MFSD1: variants seen among roughly 807,000 people sequenced by gnomAD.
MFSD1 encodes the protein lysosomal dipeptide transporter MFSD1.
A neutral mutation model predicts 67.1 loss-of-function variants in MFSD1; 59 were observed. That is an observed-to-expected ratio of 0.88 (90% CI 0.71 to 1.09). The LOEUF is 1.09. Ranked by LOEUF, MFSD1 falls within the 50% of genes least tolerant of loss-of-function variation. The pLI, the probability that MFSD1 is intolerant of heterozygous loss-of-function variation, is 0.00. For synonymous variants in MFSD1, 213 were observed against 200.3 expected, an observed-to-expected ratio of 1.06 and a Z score of -0.54; for missense variants, 552 against 566.1, an observed-to-expected ratio of 0.97 and a Z score of 0.25.
intron 6 of MFSD1, among the ~76,000 whole-genome samples, chr3:158,810,149 A>G (rs1729925363): frequency 6.6e-6 from 1 of 152,170 alleles, no homozygotes; most frequent in Admixed American, 6.5e-5. Flanking sequence ...CTCAGCCTAT[A>G]GAATAGTGAG....
chr3:158,804,454 C>A, intron 2 of MFSD1, 83 bp downstream of exon 2: 2 of 1,089,300 alleles, frequency 1.8e-6, no homozygotes. Flanking sequence ...CTCAGGTGCC[C>A]TAGTCTCACG....
chr3:158,824,465 T>A (rs1026122132), intron 13 of MFSD1: 17 of 382,698 alleles, frequency 4.4e-5, no homozygotes, highest in East Asian at 1.4e-4. Flanking sequence ...ATTTACAGTT[T>A]AAAAAAAAAA....
chr3:158,819,533 G>A, intron 7 of MFSD1, 116 bp from the exon 8 acceptor site: 1 of 496,190 alleles, frequency 2.0e-6, no homozygotes, highest in Non-Finnish European at 3.5e-6. Context: ...GTGTCTTTAT[G>A]TGACATCCCT....
intron 7 of MFSD1, among the ~76,000 whole-genome samples, chr3:158,816,523 T>G (rs1168913053): frequency 3.9e-5 from 6 of 152,132 alleles, no homozygotes; most frequent in South Asian, 2.1e-4. Flanking sequence ...TAAATTTGTT[T>G]GAGTTCATTG....
At chr3:158,818,848 A>G (rs1243779314) in intron 7 of MFSD1, among the ~76,000 whole-genome samples, 4 of 152,174 alleles carry the variant, frequency 2.6e-5, no homozygotes, top group Non-Finnish European at 4.4e-5. Flanking sequence ...AGAGCCAGAA[A>G]AGACCTGTGC....
At position 158,802,264 on chromosome 3, in the gene MFSD1, C is replaced by G. The variant is rs774846111; in HGVS notation, c.112C>G (p.Arg38Gly). The change falls in exon 1 of 16, where the codon CGC becomes GGC. Residue 38 changes from arginine to glycine, a missense_variant. Coordinates refer to ENST00000415822, the MANE Select transcript of MFSD1 (RefSeq NM_022736.4). ...CCTGCCGGCCCTCTGCGACCCCAGT[C>G]GCCTGGCGCACCGGCTTTTGGTGCT... ...GALPALCDPS[R>G]LAHRLLVLLL... The G allele has an allele frequency of 6.2e-7, 1 of 1,611,458 alleles. No individual in the cohort carries two copies. Among genetic ancestry groups the G allele is most frequent in the South Asian group, 1.1e-5 (1 of 90,872 alleles).
intron 7 of MFSD1, among the ~76,000 whole-genome samples, chr3:158,816,430 C>T (rs1482643772): frequency 1.3e-5 from 2 of 152,012 alleles, no homozygotes; most frequent in Non-Finnish European, 2.9e-5. Flanking sequence ...TTTCATGTGT[C>T]TTTTGGCTGC....
intron 15 of MFSD1, 43 bp downstream of exon 15, chr3:158,827,380 C>T: frequency 1.6e-5 from 17 of 1,045,968 alleles, no homozygotes; most frequent in Middle Eastern, 2.2e-4. Context: ...TTTTTGAAAT[C>T]TTAAATATGA....
At chr3:158,804,585 G>A (rs935046919) in intron 2 of MFSD1, among the ~76,000 whole-genome samples, 2 of 152,146 alleles carry the variant, frequency 1.3e-5, no homozygotes, top group African/African-American at 4.8e-5. Context: ...ACTTGAAATT[G>A]TTTCAGACCT....
intron 15 of MFSD1, among the ~76,000 whole-genome samples, chr3:158,828,564 C>T (rs1206120992): frequency 6.6e-6 from 1 of 151,794 alleles, no homozygotes; most frequent in African/African-American, 2.4e-5. Flanking sequence ...TTGTTAAAAC[C>T]ATGTTTTAGA....
intron 3 of MFSD1, among the ~76,000 whole-genome samples, chr3:158,805,953 G>A (rs1300515305): frequency 1.3e-5 from 2 of 152,144 alleles, no homozygotes; most frequent in African/African-American, 4.8e-5. Flanking sequence ...TTCTATTTCT[G>A]CTTTTCTTGG....
Position 158,826,017 on chromosome 3 carries a change from T to C in MFSD1, c.1291T>C (p.Ser431Pro), listed in dbSNP as rs960598118. The change falls in exon 14 of 16, where the codon TCA (serine) becomes CCA (proline). Residue 431 changes from serine to proline, a missense_variant and splice_region_variant. Ser to Pro is a moderately conservative substitution (Grantham distance 74). Coordinates refer to ENST00000415822, the MANE Select transcript of MFSD1 (RefSeq NM_022736.4). ...GCCCTATGTTTTTTCACTCCTAGTG[T>C]CACTTTTATCTGTGGTCTTACTCTA... ...EVFFIACVSLSLLSVVLLYLV... is the reference protein window; with the variant it reads ...EVFFIACVSLPLLSVVLLYLV... 29 of 1,612,594 alleles carry C rather than the reference T, an allele frequency of 1.8e-5. No homozygotes were observed. Among genetic ancestry groups the C allele is most frequent in the Non-Finnish European group, 2.3e-5 (27 of 1,178,836 alleles).
chr3:158,816,145 T>C (rs1730328492), intron 7 of MFSD1, among the ~76,000 whole-genome samples: 1 of 151,996 alleles, frequency 6.6e-6, no homozygotes, highest in Non-Finnish European at 1.5e-5. Context: ...GCAGCATGAT[T>C]TATAGTCCTT....
chr3:158,802,277 G>A lies in MFSD1; in HGVS notation c.125G>A (p.Arg42Gln). Residue 42 changes from arginine (R) to glutamine (Q), a missense_variant, in exon 1 of 16, where the codon CGG becomes CAG. By Grantham distance (43) the Arg-to-Gln change is conservative. Transcript: ENST00000415822. ...TGCGACCCCAGTCGCCTGGCGCACC[G>A]GCTTTTGGTGCTGTTACTGATGTGC... ...ALCDPSRLAH[R>Q]LLVLLLMCFL... 6.2e-7 allele frequency: 1 copy of A among 1,611,492 alleles called. No individual in the cohort carries two copies. The highest frequency in any genetic ancestry group is 8.5e-7 in the Non-Finnish European group (1 of 1,178,628).
intron 12 of MFSD1, among the ~76,000 whole-genome samples, 183 bp from the exon 13 acceptor site, chr3:158,823,941 T>TA (rs1379810798): frequency 1.3e-5 from 2 of 152,208 alleles, no homozygotes; most frequent in East Asian, 3.8e-4. Flanking sequence ...TTGAGCAGTC[T>TA]AGTAGTGGAA....
At chr3:158,817,397 A>C (rs1233860951) in intron 7 of MFSD1, among the ~76,000 whole-genome samples, 1 of 152,230 alleles carries the variant, frequency 6.6e-6, no homozygotes. Context: ...CAACTTCAGC[A>C]AAGTCTCAGG....
chr3:158,804,286 A>G, intron 1 of MFSD1, 33 bp from the exon 2 acceptor site: 1 of 1,533,304 alleles, frequency 6.5e-7, no homozygotes, highest in Non-Finnish European at 8.9e-7. Context: ...TATGGGAAGT[A>G]TTATTACTTA....
intron 7 of MFSD1, 73 bp from the exon 8 acceptor site, chr3:158,819,576 A>G (rs1457631274): frequency 2.5e-6 from 2 of 797,344 alleles, no homozygotes; most frequent in Admixed American, 2.9e-5. Context: ...TATGTAATGT[A>G]CTTCTCCTTA....
At position 158,802,086 on chromosome 3, in the gene MFSD1, C is replaced by T; in HGVS notation, c.-67C>T. On this transcript the variant is annotated 5_prime_UTR_variant, in exon 1 of 16. The change creates a new upstream start codon in the 5' untranslated region. Transcript: ENST00000415822. ...TGACCGCCGTCTTGACAGTGTTCCA[C>T]GGGCGCTGCTTCCTGCCTGGGTTTG... 1.9e-6 allele frequency: 3 copies of T among 1,580,404 alleles called. No individual in the cohort carries two copies. Among genetic ancestry groups the T allele is most frequent in the South Asian group, 1.1e-5 (1 of 87,234 alleles).
Sources: allele counts gnomAD v4.1 joint callset (sites outside exome capture counted in the v4.1 genomes callset), GRCh38; gene constraint gnomAD v4.1.1; transcripts MANE v1.5; gene names NCBI Gene and HGNC (gene_info 2026-07-23, HGNC 2026-07-21).